Variants in IGF1 observed in about 807,000 individuals in gnomAD.
The protein encoded by IGF1 is insulin-like growth factor 1.
IGF1 carries 4 observed loss-of-function variants against 13.8 expected under a neutral mutation model. The observed-to-expected ratio is 0.29, with a 90% CI of 0.14 to 0.66. IGF1 has a LOEUF of 0.66. IGF1 is among the 30% of genes least tolerant of loss of function. IGF1 has a pLI of 0.78. For missense variants in IGF1, 124 were observed against 188.5 expected, an observed-to-expected ratio of 0.66 and a Z score of 2.00; for synonymous variants, 76 against 72.6, an observed-to-expected ratio of 1.05 and a Z score of -0.23.
chr12:102,451,815 T>C (rs941947820), intron 2 of IGF1, among the ~76,000 whole-genome samples: 2 of 151,950 alleles, frequency 1.3e-5, no homozygotes, highest in Non-Finnish European at 2.9e-5. Flanking sequence ...GTAATTCCCA[T>C]GTGTGGAGGG....
intron 3 of IGF1, among the ~76,000 whole-genome samples, chr12:102,418,619 T>A (rs1295251606): frequency 2.0e-5 from 3 of 152,274 alleles, no homozygotes; most frequent in African/African-American, 7.2e-5. Flanking sequence ...CTTACTCAAC[T>A]TCCTTGCCTT....
At chr12:102,460,446 T>TC (rs149948658) in intron 2 of IGF1, among the ~76,000 whole-genome samples, 5,145 of 152,102 alleles carry the variant, frequency 0.034, 120 homozygotes, top group African/African-American at 0.041. Flanking sequence ...ATTTCATGGG[T>TC]CCCCCCACAA....
chr12:102,425,547 A>T (rs79858768), intron 2 of IGF1, among the ~76,000 whole-genome samples: 4,192 of 152,270 alleles, frequency 0.028, 80 homozygotes, highest in African/African-American at 0.042. Context: ...TCTGAGTCTA[A>T]AAGGAATGAA....
At chr12:102,437,958 G>C (rs975818696) in intron 2 of IGF1, among the ~76,000 whole-genome samples, 1 of 152,168 alleles carries the variant, frequency 6.6e-6, no homozygotes, top group African/African-American at 2.4e-5. Flanking sequence ...AATATGACCA[G>C]AGCAGAAACC....
chr12:102,477,088 C>T (rs1435633916), intron 1 of IGF1, among the ~76,000 whole-genome samples: 1 of 151,740 alleles, frequency 6.6e-6, no homozygotes, highest in African/African-American at 2.4e-5. Context: ...TTTTTTGAAC[C>T]TCAGAGTAGT....
rs59075811 is a variant in IGF1, at chr12:102,456,221, GGTGTGTGTGT to G, written c.220+19412_220+19421del. On this transcript the variant is annotated intron_variant, in intron 2 of 3. Coordinates refer to ENST00000337514, the MANE Select transcript of IGF1 (RefSeq NM_000618.5). ...TATTCAATTTTTTCCATTTAAAAAA[GGTGTGTGTGT>G]GTGTGTGTGTGTGTGTGTGTGTGTG... Among the ~76,000 whole-genome samples, 323 of 140,272 alleles carry G rather than the reference GGTGTGTGTGT, an allele frequency of 2.3e-3. 5 individuals carry two copies. Among genetic ancestry groups the G allele is most frequent in the African/African-American group, 5.4e-3 (204 of 37,864 alleles). The allele number at this position is 140,272 out of a possible 152,430, so 92.0% of individuals were successfully genotyped here.
intron 3 of IGF1, among the ~76,000 whole-genome samples, chr12:102,404,550 A>G (rs1425007866): frequency 6.6e-6 from 1 of 152,214 alleles, no homozygotes; most frequent in African/African-American, 2.4e-5. Flanking sequence ...GTGTAAAAAC[A>G]TTCACTAAAA....
intron 2 of IGF1, among the ~76,000 whole-genome samples, chr12:102,419,963 T>C (rs1298688055): frequency 6.6e-6 from 1 of 152,208 alleles, no homozygotes; most frequent in Non-Finnish European, 1.5e-5. Flanking sequence ...TAGGCAAGGA[T>C]CTTGTCTATG....
intron 2 of IGF1, among the ~76,000 whole-genome samples, chr12:102,446,814 T>A (rs1201052077): frequency 6.6e-6 from 1 of 152,168 alleles, no homozygotes; most frequent in Non-Finnish European, 1.5e-5. Context: ...ATTGTGATGT[T>A]CAGGTGTCGA....
chr12:102,425,230 T>C (rs543308061), intron 2 of IGF1, among the ~76,000 whole-genome samples: 2 of 152,366 alleles, frequency 1.3e-5, no homozygotes, highest in South Asian at 2.1e-4. Context: ...AGATTGACCT[T>C]TGGCATCTTA....
Position 102,396,617 on chromosome 12 carries a change from G to A in IGF1, c.*5890C>T, listed in dbSNP as rs1873203835. On this transcript the variant is annotated 3_prime_UTR_variant, in exon 4 of 4. Coordinates refer to ENST00000337514, the MANE Select transcript of IGF1 (RefSeq NM_000618.5). ...GTGCATTTTGGGCAAAATAAAATGA[G>A]TAATGTTTACTTTTAGGCCTCAGTA... 2.8e-6 allele frequency: 1 copy of A among 352,184 alleles called. No individual in the cohort carries two copies. The highest frequency in any genetic ancestry group is 4.1e-5 in the East Asian group (1 of 24,466). 21.8% of individuals were successfully genotyped at this position (352,184 alleles called of 1,614,324 possible). A position where few individuals can be genotyped will look rare whatever the true frequency, so the allele number is the denominator to read the frequency against.
At chr12:102,441,908 T>TGCTGCCTCC (rs1555244024) in intron 2 of IGF1, among the ~76,000 whole-genome samples, 5 of 109,388 alleles carry the variant, frequency 4.6e-5, no homozygotes, top group Admixed American at 1.1e-4. Context: ...ATTACACTGC[T>TGCTGCCTCC]TCTTCTCCTT....
chr12:102,442,868 A>G (rs941050302), intron 2 of IGF1, among the ~76,000 whole-genome samples: 2 of 152,134 alleles, frequency 1.3e-5, no homozygotes, highest in African/African-American at 4.8e-5. Context: ...ATGTTGACTA[A>G]GTATCTACCA....
In IGF1 at chr12:102,396,749, TATTTC is replaced by T; in HGVS notation, c.*5753_*5757del. On this transcript the variant is annotated 3_prime_UTR_variant, in exon 4 of 4. Coordinates refer to ENST00000337514, the MANE Select transcript of IGF1 (RefSeq NM_000618.5). ...GAAACTCTGTCTCCATCTTAACTCA[TATTTC>T]AGTTGAGCAGTAACATTTGGTTTTG... 2.5e-6 allele frequency: 1 copy of T among 396,258 alleles called. No homozygotes were observed. The highest frequency in any genetic ancestry group is 4.5e-6 in the Non-Finnish European group (1 of 224,644). The allele number at this position is 396,258 out of a possible 1,614,324, so 24.5% of individuals were successfully genotyped here. A position where few individuals can be genotyped will look rare whatever the true frequency, so the allele number is the denominator to read the frequency against.
At chr12:102,459,997 T>G (rs1281510590) in intron 2 of IGF1, among the ~76,000 whole-genome samples, 2 of 152,222 alleles carry the variant, frequency 1.3e-5, no homozygotes, top group South Asian at 2.1e-4. Context: ...GGTCAATGTA[T>G]GCTGAGCCAG....
intron 2 of IGF1, among the ~76,000 whole-genome samples, chr12:102,447,940 A>C (rs1878500779): frequency 6.6e-6 from 1 of 152,364 alleles, no homozygotes; most frequent in African/African-American, 2.4e-5. Flanking sequence ...ATTGAACTAA[A>C]GAGCTTCTGC....
rs1873393336 is a variant in IGF1 at position 102,398,294 on chromosome 12, T to C, written c.*4213A>G. 6.5e-6 allele frequency: 1 copy of C among 152,774 alleles called. No individual in the cohort carries two copies. The allele number at this position is 152,774 out of a possible 1,614,324, so 9.5% of individuals were successfully genotyped here. A position where few individuals can be genotyped will look rare whatever the true frequency, so the allele number is the denominator to read the frequency against. On this transcript the variant is annotated 3_prime_UTR_variant, in exon 4 of 4. Coordinates refer to ENST00000337514, the MANE Select transcript of IGF1 (RefSeq NM_000618.5). ...GAGATGTCTGGGTGAAGGGAGAATG[T>C]CTTCTATAAACCAGTAAATGCCAAA...
At chr12:102,469,149 C>T (rs981519004) in intron 2 of IGF1, among the ~76,000 whole-genome samples, 5 of 152,136 alleles carry the variant, frequency 3.3e-5, no homozygotes, top group African/African-American at 1.2e-4. Context: ...GTCTTGCATC[C>T]CAACCACTGG....
rs1876770091 is a variant in IGF1, at chr12:102,431,856, GAGA to G, written c.221-12169_221-12167del. On this transcript the variant is annotated intron_variant, in intron 2 of 3. Transcript: ENST00000337514. The stretch of plus-strand genomic sequence containing the variant: ...CCATGCATGGCTTTTTCCCTTGAGA[GAGA>G]AGTCTGTGCACTTCCGCAGTTTAGG... 2.6e-5 allele frequency among the ~76,000 whole-genome samples: 4 copies of G among 152,190 alleles called. No homozygotes were observed. The South Asian group carries it at 8.3e-4, about 32-fold the overall frequency.
Sources: allele counts gnomAD v4.1 joint callset (sites outside exome capture counted in the v4.1 genomes callset), GRCh38; gene constraint gnomAD v4.1.1; transcripts MANE v1.5; gene names NCBI Gene and HGNC (gene_info 2026-07-23, HGNC 2026-07-21).